FREM1: variants seen among roughly 807,000 people sequenced by gnomAD.
The protein encoded by FREM1 is FRAS1-related extracellular matrix protein 1.
In FREM1, 220 loss-of-function variants were observed where a neutral mutation model predicts 210.1. The observed-to-expected ratio is 1.05, with a 90% CI of 0.94 to 1.17. FREM1 has a LOEUF of 1.17. Ranked by LOEUF, FREM1 falls within the 50% of genes most tolerant of loss-of-function variation. FREM1 has a pLI of 0.00. For missense variants in FREM1, 3,454 were observed against 2,675.5 expected, an observed-to-expected ratio of 1.29 and a Z score of -6.42; for synonymous variants, 1,189 against 980.2, an observed-to-expected ratio of 1.21 and a Z score of -3.98.
rs373769187 is a variant in FREM1, at chr9:14,863,878, T to C, written c.260A>G (p.Asn87Ser). 26 of 1,612,188 alleles carry C rather than the reference T, an allele frequency of 1.6e-5. No individual in the cohort carries two copies. Among genetic ancestry groups the C allele is most frequent in the Non-Finnish European group, 2.0e-5 (24 of 1,178,416 alleles). ...ACCATTGTGAACATACTTGACTTCG[T>C]TGGGAAGGAAATGGCAGTCAAAGAC... The part of the protein sequence containing the change: ...PQVFDCHFLP[N>S]EVKYVHNGCP... The change falls in exon 3 of 37, where the codon AAC becomes AGC. Residue 87 changes from asparagine (N) to serine (S), a missense_variant. Transcript: ENST00000380880.
chr9:14,747,861 G>C (rs369775410), intron 31 of FREM1, 133 bp from the exon 32 acceptor site: 2 of 514,464 alleles, frequency 3.9e-6, no homozygotes, highest in Non-Finnish European at 3.4e-6. Context: ...GATTTCCCAC[G>C]CCCAAATCAT....
chr9:14,868,974 T>C lies in FREM1; in HGVS notation c.4A>G (p.Asn2Asp). 1.3e-6 allele frequency: 2 copies of C among 1,568,296 alleles called. No homozygotes were observed. Among genetic ancestry groups the C allele is most frequent in the African/African-American group, 1.3e-5 (1 of 74,094 alleles). MNSLSWGAANAV... is the reference protein window; with the variant it reads MDSLSWGAANAV... Reference sequence around the variant, plus strand: ...TTCGCAGCCCCCCAACTCAGAGAGTTCATGCTGACAGGGCCCAACTCTTCT... The same window carrying C: ...TTCGCAGCCCCCCAACTCAGAGAGTCCATGCTGACAGGGCCCAACTCTTCT... The change falls in exon 2 of 37, where the codon AAC becomes GAC. Residue 2 changes from asparagine to aspartate, a missense_variant. Physicochemically the swap from Asn to Asp is conservative, Grantham distance 23. Transcript: ENST00000380880.
At chr9:14,882,788 C>A (rs1165546971) in intron 1 of FREM1, among the ~76,000 whole-genome samples, 6 of 151,260 alleles carry the variant, frequency 4.0e-5, no homozygotes, top group African/African-American at 1.5e-4. Flanking sequence ...TATGAACATA[C>A]TTTCCTCTTT....
At chr9:14,808,373 A>G (rs962330940) in intron 16 of FREM1, among the ~76,000 whole-genome samples, 2 of 152,226 alleles carry the variant, frequency 1.3e-5, no homozygotes, top group Admixed American at 1.3e-4. Context: ...TATCATGATA[A>G]GGAGGGACAA....
rs936675089 is a variant in FREM1, at chr9:14,754,477, T to A, written c.5407+1897A>T. On this transcript the variant is annotated intron_variant, in intron 29 of 36. Coordinates refer to ENST00000380880, the MANE Select transcript of FREM1 (RefSeq NM_001379081.2). ...TTTGCATGTCGAAGTGAAGGTTCAC[T>A]GTTATAGGCTGAATGGCGTTTCTAA... 3.3e-5 allele frequency among the ~76,000 whole-genome samples: 5 copies of A among 152,188 alleles called. No homozygotes were observed. The South Asian group carries it at 1.0e-3, about 32-fold the overall frequency.
At chr9:14,742,046 T>C (rs1468214253) in intron 35 of FREM1, among the ~76,000 whole-genome samples, 1 of 152,184 alleles carries the variant, frequency 6.6e-6, no homozygotes, top group Non-Finnish European at 1.5e-5. Context: ...AAGAAACATT[T>C]AGGTATTCAT....
Position 14,824,864 on chromosome 9 carries a change from A to T in FREM1, c.2010T>A (p.Asp670Glu). ...YITKKQLHFIDSESYDRELVY... is the reference protein window; with the variant it reads ...YITKKQLHFIESESYDRELVY... Reference sequence around the variant, plus strand: ...CCAGCTCCCTGTCATATGATTCTGAATCTATAAAATGTAGCTGTTTCTTAG... The same window carrying T: ...CCAGCTCCCTGTCATATGATTCTGATTCTATAAAATGTAGCTGTTTCTTAG... Residue 670 changes from aspartate (D) to glutamate (E), a missense_variant, in exon 11 of 37, where the codon GAT becomes GAA. Physicochemically the swap from Asp to Glu is conservative, Grantham distance 45. Coordinates refer to ENST00000380880, the MANE Select transcript of FREM1 (RefSeq NM_001379081.2). The T allele has an allele frequency of 3.1e-6, 5 of 1,613,606 alleles. No homozygotes were observed. Among genetic ancestry groups the T allele is most frequent in the Non-Finnish European group, 4.2e-6 (5 of 1,179,656 alleles).
chr9:14,737,743 C>T, intron 36 of FREM1, 148 bp from the exon 37 acceptor site: 8 of 575,146 alleles, frequency 1.4e-5, no homozygotes, highest in Middle Eastern at 4.5e-4. Context: ...TACTCTAAGA[C>T]ACAAACGGTC....
At chr9:14,877,988 G>T (rs544962354) in intron 1 of FREM1, among the ~76,000 whole-genome samples, 4 of 152,072 alleles carry the variant, frequency 2.6e-5, no homozygotes, top group African/African-American at 9.7e-5. Context: ...GTGATCCCCC[G>T]GTCCAAGCCA....
At chr9:14,752,206 T>C (rs1007716967) in intron 29 of FREM1, among the ~76,000 whole-genome samples, 2 of 151,730 alleles carry the variant, frequency 1.3e-5, no homozygotes, top group African/African-American at 4.8e-5. Flanking sequence ...AGTCAAATAA[T>C]TATTGAAAGC....
At chr9:14,745,744 T>C (rs1458371727) in intron 35 of FREM1, among the ~76,000 whole-genome samples, 1 of 152,012 alleles carries the variant, frequency 6.6e-6, no homozygotes, top group East Asian at 1.9e-4. Context: ...AAAAGGAGGG[T>C]CAGGGATAGG....
intron 10 of FREM1, among the ~76,000 whole-genome samples, chr9:14,828,643 C>CG (rs1554687424): frequency 1.9e-5 from 1 of 53,972 alleles, no homozygotes; most frequent in Non-Finnish European, 4.3e-5. Context: ...TGTGGCGGGG[C>CG]GGGGGAGGTG....
chr9:14,884,095 G>C (rs920767370), intron 1 of FREM1, among the ~76,000 whole-genome samples: 1 of 152,210 alleles, frequency 6.6e-6, no homozygotes, highest in Non-Finnish European at 1.5e-5. Flanking sequence ...CGGGCGTGGT[G>C]GTGGGTGCCC....
chr9:14,834,945 T>C (rs943829930), intron 10 of FREM1, among the ~76,000 whole-genome samples: 1 of 152,216 alleles, frequency 6.6e-6, no homozygotes, highest in African/African-American at 2.4e-5. Context: ...ACAATTGTTG[T>C]CTTGCTTTGT....
intron 1 of FREM1, among the ~76,000 whole-genome samples, chr9:14,891,943 A>T (rs898647180): frequency 1.3e-5 from 2 of 152,218 alleles, no homozygotes; most frequent in Admixed American, 1.3e-4. Flanking sequence ...TTTACAATAC[A>T]AAATGGTATT....
At chr9:14,797,394 C>A (rs1341407106) in intron 21 of FREM1, 104 bp downstream of exon 21, 2 of 892,874 alleles carry the variant, frequency 2.2e-6, no homozygotes, top group South Asian at 3.5e-5. Flanking sequence ...CAGGAGCTAG[C>A]GAAGACTTGC....
intron 35 of FREM1, among the ~76,000 whole-genome samples, chr9:14,742,394 C>A (rs1841734549): frequency 6.6e-6 from 1 of 152,228 alleles, no homozygotes; most frequent in South Asian, 2.1e-4. Flanking sequence ...TGTACAATGA[C>A]TGCCTGAGGA....
chr9:14,792,876 T>G lies in FREM1; in HGVS notation c.3848A>C (p.Glu1283Ala), dbSNP rs887056786. The G allele has an allele frequency of 8.3e-6, 13 of 1,572,674 alleles. No individual in the cohort carries two copies. Among genetic ancestry groups the G allele is most frequent in the Non-Finnish European group, 1.1e-5 (13 of 1,159,216 alleles). Residue 1283 changes from glutamate to alanine, a missense_variant, in exon 22 of 37, where the codon GAA becomes GCA. By Grantham distance (107) the Glu-to-Ala change is moderately radical (BLOSUM62 -1). Transcript: ENST00000380880. ...DEKPMLSKKA[E>A]IAMNMGETRI... Reference sequence around the variant, plus strand: ...AGTTTCACCCATATTCATTGCAATTTCAGCCTTCCTGTAAAAAGAAAAATG... The same window carrying G: ...AGTTTCACCCATATTCATTGCAATTGCAGCCTTCCTGTAAAAAGAAAAATG...
intron 27 of FREM1, among the ~76,000 whole-genome samples, chr9:14,764,881 T>A (rs141445509): frequency 9.8e-5 from 15 of 152,352 alleles, no homozygotes; most frequent in Admixed American, 9.8e-4. Context: ...GGGGCATTAA[T>A]CCAGGTTAAC....
Sources: allele counts gnomAD v4.1 joint callset (sites outside exome capture counted in the v4.1 genomes callset), GRCh38; gene constraint gnomAD v4.1.1; transcripts MANE v1.5; gene names NCBI Gene and HGNC (gene_info 2026-07-23, HGNC 2026-07-21).